CFAP47: variants seen among roughly 807,000 people sequenced by gnomAD.
The protein encoded by CFAP47 is cilia and flagella associated protein 47, also known as cilia- and flagella-associated protein 47.
CFAP47 carries 29 observed loss-of-function variants against 148.1 expected under a neutral mutation model. The observed-to-expected ratio is 0.20, with a 90% CI of 0.15 to 0.27. The LOEUF (loss-of-function observed/expected upper bound fraction) is 0.27, where lower values mean the gene tolerates loss of function less well. Ranked by LOEUF, CFAP47 falls within the 10% of genes least tolerant of loss-of-function variation. CFAP47 has a pLI of 1.00. For synonymous variants in CFAP47, 664 were observed against 577.3 expected, an observed-to-expected ratio of 1.15 and a Z score of -2.15; for missense variants, 1,872 against 1,697.5, an observed-to-expected ratio of 1.10 and a Z score of -1.81.
At chrX:36,140,401 C>T (rs1469773645) in intron 35 of CFAP47, among the ~76,000 whole-genome samples, 2 of 111,181 alleles carry the variant, frequency 1.8e-5, no homozygotes, top group Non-Finnish European at 3.8e-5. Flanking sequence ...TTTTGATTTC[C>T]TCACATATGT....
At chrX:36,090,554 C>T (rs1938166025) in intron 30 of CFAP47, among the ~76,000 whole-genome samples, 1 of 111,457 alleles carries the variant, frequency 9.0e-6, no homozygotes, top group African/African-American at 3.3e-5. Flanking sequence ...ATAATTTTGA[C>T]ATTAAAGCCA....
At chrX:36,299,679 C>T (rs1343077092) in intron 52 of CFAP47, among the ~76,000 whole-genome samples, 5 of 111,394 alleles carry the variant, frequency 4.5e-5, no homozygotes, top group African/African-American at 1.3e-4. Flanking sequence ...CACCTCCCAG[C>T]GCCTGGTAAC....
chrX:36,341,994 A>AT (rs1304513877), intron 57 of CFAP47, among the ~76,000 whole-genome samples: 1 of 111,103 alleles, frequency 9.0e-6, no homozygotes, highest in African/African-American at 3.3e-5. Flanking sequence ...ATGGAAATGG[A>AT]TAAAAAAAGA....
intron 3 of CFAP47, among the ~76,000 whole-genome samples, chrX:35,948,011 A>G (rs776903164): frequency 8.9e-6 from 1 of 111,914 alleles, no homozygotes; most frequent in African/African-American, 3.2e-5. Flanking sequence ...AGGGGTATTC[A>G]ATCTTTTGGC....
At chrX:36,240,031 A>C (rs1386724847) in intron 48 of CFAP47, among the ~76,000 whole-genome samples, 1 of 112,178 alleles carries the variant, frequency 8.9e-6, no homozygotes, top group Non-Finnish European at 1.9e-5. Flanking sequence ...CAGTGGGCAC[A>C]TACTATAATG....
At chrX:36,253,023 C>G (rs1940710821) in intron 49 of CFAP47, among the ~76,000 whole-genome samples, 1 of 112,253 alleles carries the variant, frequency 8.9e-6, no homozygotes, top group African/African-American at 3.2e-5. Flanking sequence ...TTAGATTTGG[C>G]AGGCCTTTCC....
intron 15 of CFAP47, among the ~76,000 whole-genome samples, chrX:35,987,818 C>T (rs1391729594): frequency 9.0e-6 from 1 of 111,485 alleles, no homozygotes; most frequent in East Asian, 2.8e-4. Flanking sequence ...AACGCACCAT[C>T]CCTCACGGCA....
At chrX:36,210,034 C>A (rs1940082921) in intron 45 of CFAP47, among the ~76,000 whole-genome samples, 1 of 111,665 alleles carries the variant, frequency 9.0e-6, no homozygotes, top group African/African-American at 3.3e-5. Flanking sequence ...TAGCAGTATG[C>A]CATTTCTAGT....
At chrX:36,229,531 C>G (rs1027191657) in intron 46 of CFAP47, among the ~76,000 whole-genome samples, 3 of 111,312 alleles carry the variant, frequency 2.7e-5, no homozygotes, top group African/African-American at 9.8e-5. Flanking sequence ...ATCTATTAGG[C>G]AATGCTCTTA....
At position 35,920,006 on chromosome X, in the gene CFAP47, C is replaced by G; in HGVS notation, c.207C>G (p.Arg69=). The change falls in exon 1 of 64, where the codon CGC becomes CGG. Residue 69 remains arginine, a synonymous_variant. Coordinates refer to ENST00000378653, the MANE Select transcript of CFAP47 (RefSeq NM_001304548.2). ...CGATTACTGTGCATAATATTTGCCGCTGGAACCAGAAAATCCGATTTAAGG... is the reference window on the plus strand; with the variant it reads ...CGATTACTGTGCATAATATTTGCCGGTGGAACCAGAAAATCCGATTTAAGG... ...RLPITVHNIC[R]WNQKIRFKEP... 5.0e-6 allele frequency: 6 copies of G among 1,200,726 alleles called. No individual in the cohort carries two copies. Among genetic ancestry groups the G allele is most frequent in the Admixed American group, 2.2e-5 (1 of 45,657 alleles).
chrX:35,990,018 A>G (rs1936769616), intron 16 of CFAP47: 1 of 112,298 alleles, frequency 8.9e-6, no homozygotes, highest in African/African-American at 3.3e-5. Context: ...GCTGGGTCCT[A>G]CTACTTTTCA....
chrX:36,166,300 T>C (rs1249111653), intron 39 of CFAP47, among the ~76,000 whole-genome samples: 1 of 111,334 alleles, frequency 9.0e-6, no homozygotes, highest in Non-Finnish European at 1.9e-5. Flanking sequence ...CTTCATTTTT[T>C]TCTCTGTTCT....
intron 39 of CFAP47, among the ~76,000 whole-genome samples, chrX:36,166,395 A>T (rs1390250730): frequency 9.0e-6 from 1 of 111,019 alleles, no homozygotes; most frequent in Non-Finnish European, 1.9e-5. Flanking sequence ...CCTTGAGTGA[A>T]TTTTTATCTC....
intron 60 of CFAP47, among the ~76,000 whole-genome samples, chrX:36,357,137 T>C: frequency 8.9e-6 from 1 of 112,019 alleles, no homozygotes; most frequent in Non-Finnish European, 1.9e-5. Flanking sequence ...CACCTGCTCA[T>C]GTTCCATTCC....
intron 57 of CFAP47, among the ~76,000 whole-genome samples, chrX:36,347,262 A>T (rs1201653282): frequency 8.9e-6 from 1 of 111,980 alleles, no homozygotes; most frequent in African/African-American, 3.3e-5. Flanking sequence ...TAGAATGGCA[A>T]TCATTAAAAA....
At chrX:36,075,802 T>G (rs1180709757) in intron 29 of CFAP47, among the ~76,000 whole-genome samples, 1 of 111,806 alleles carries the variant, frequency 8.9e-6, no homozygotes, top group Non-Finnish European at 1.9e-5. Context: ...TTTTTGTTCC[T>G]GTGTTTATTC....
chrX:36,009,942 T>C (rs1937020472), intron 21 of CFAP47, among the ~76,000 whole-genome samples: 1 of 111,612 alleles, frequency 9.0e-6, no homozygotes, highest in South Asian at 3.7e-4. Context: ...AGTACTATTA[T>C]TCTTCCCTTT....
intron 57 of CFAP47, among the ~76,000 whole-genome samples, chrX:36,327,177 A>G (rs1243486237): frequency 8.9e-6 from 1 of 111,988 alleles, no homozygotes; most frequent in Non-Finnish European, 1.9e-5. Context: ...ACCTGTAGAC[A>G]CAGTAAACAC....
intron 33 of CFAP47, among the ~76,000 whole-genome samples, chrX:36,133,079 A>C (rs1479810775): frequency 9.0e-6 from 1 of 111,550 alleles, no homozygotes; most frequent in African/African-American, 3.2e-5. Flanking sequence ...CGCCATTAAG[A>C]ATAGTTGAGT....
Sources: gnomAD v4.1 joint callset for allele counts (sites outside exome capture counted in the v4.1 genomes callset) on GRCh38, gnomAD v4.1.1 for gene constraint, MANE v1.5 for transcripts, NCBI Gene and HGNC (gene_info 2026-07-23, HGNC 2026-07-21) for gene names.